The following WNT7A variants were observed in gnomAD, a reference collection of about 807,000 sequenced individuals.
The protein encoded by WNT7A is Wnt family member 7A.
Under a neutral mutation model 28.2 loss-of-function variants are expected in WNT7A, and 16 were observed. The observed-to-expected ratio is 0.57, with a 90% CI of 0.38 to 0.86. The LOEUF (loss-of-function observed/expected upper bound fraction) is 0.86, where lower values mean the gene tolerates loss of function less well. Among genes scored for constraint, WNT7A ranks in the 40% least tolerant of loss-of-function variants. The probability of loss-of-function intolerance (pLI) is 0.00; values close to 1 mark genes in which losing one functional copy is unlikely to be tolerated. For synonymous variants in WNT7A, 190 were observed against 195.9 expected (o/e 0.97, Z 0.25); for missense variants, 411 against 489.7 (o/e 0.84, Z 1.52).
At chr3:13,843,009 C>T (rs560960274) in intron 3 of WNT7A, among the ~76,000 whole-genome samples, 11 of 152,278 alleles carry the variant, frequency 7.2e-5, no homozygotes, top group Admixed American at 5.2e-4. Context: ...GTGGACATCA[C>T]CTATTTTGGA....
intron 3 of WNT7A, among the ~76,000 whole-genome samples, chr3:13,851,578 A>G (rs1234956800): frequency 6.6e-6 from 1 of 152,182 alleles, no homozygotes; most frequent in African/African-American, 2.4e-5. Context: ...CGTTTCTCCT[A>G]CAGTGTGTAG....
At chr3:13,858,877 C>T (rs1286380173) in intron 2 of WNT7A, among the ~76,000 whole-genome samples, 1 of 152,216 alleles carries the variant, frequency 6.6e-6, no homozygotes, top group East Asian at 1.9e-4. Context: ...AATCCCACTC[C>T]ACCCCCACAC....
rs1694072532 is a variant in WNT7A, at chr3:13,819,296, T to C, written c.698A>G (p.Asn233Ser). ...CACAGGCTCCACGTGAACGGCCTCG[T>C]TGTACTTGTCCTTGAGCACGTAGCC... ...ELGYVLKDKY[N>S]EAVHVEPVRA... Residue 233 changes from asparagine (N) to serine (S), a missense_variant, in exon 4 of 4, where the codon AAC becomes AGC. Asn to Ser is a conservative substitution (Grantham distance 46). Transcript: ENST00000285018. 6.2e-7 allele frequency: 1 copy of C among 1,614,020 alleles called. No individual in the cohort carries two copies. Among genetic ancestry groups the C allele is most frequent in the African/African-American group, 1.3e-5 (1 of 74,946 alleles).
intron 3 of WNT7A, 132 bp from the exon 4 acceptor site, chr3:13,819,555 G>T: frequency 7.7e-7 from 1 of 1,299,068 alleles, no homozygotes; most frequent in Non-Finnish European, 1.0e-6. Context: ...TCTTTCTGGT[G>T]TAGGAAACTC....
In WNT7A at chr3:13,818,891, C is replaced by T; in HGVS notation, c.*53G>A. 6.5e-7 allele frequency: 1 copy of T among 1,533,276 alleles called. No individual in the cohort carries two copies. Among genetic ancestry groups the T allele is most frequent in the Middle Eastern group, 2.3e-4 (1 of 4,402 alleles). The allele number at this position is 1,533,276 out of a possible 1,614,324, so 95.0% of individuals were successfully genotyped here. On this transcript the variant is annotated 3_prime_UTR_variant, in exon 4 of 4. Transcript: ENST00000285018. Reference sequence around the variant, plus strand: ...AGGGAGCCCGCAGCTTGGAAACGGTCCAGTCCTCCCAGCAATCTGACTTGC... The same window carrying T: ...AGGGAGCCCGCAGCTTGGAAACGGTTCAGTCCTCCCAGCAATCTGACTTGC...
intron 3 of WNT7A, among the ~76,000 whole-genome samples, chr3:13,830,724 C>A (rs1694268942): frequency 6.6e-6 from 1 of 152,196 alleles, no homozygotes; most frequent in African/African-American, 2.4e-5. Flanking sequence ...TTTCCCCAAG[C>A]CACACTTTCT....
chr3:13,844,391 T>C (rs545924306), intron 3 of WNT7A, among the ~76,000 whole-genome samples: 18 of 152,240 alleles, frequency 1.2e-4, no homozygotes, highest in African/African-American at 3.4e-4. Context: ...AGCAGCTGAG[T>C]GCTGGCCTCA....
At position 13,869,670 on chromosome 3, in the gene WNT7A, G is replaced by A. The variant is rs528739911; in HGVS notation, c.298+5277C>T. Among the ~76,000 whole-genome samples the A allele has an allele frequency of 5.4e-5, 7 of 129,560 alleles. No homozygotes were observed. In the East Asian group the frequency reaches 1.6e-3, roughly 30 times the overall value. The allele number at this position is 129,560 out of a possible 152,430, so 85.0% of individuals were successfully genotyped here. ...AAAGTAGAAAGAAAGAGGGAAGGAG[G>A]GAGGGAGGGAGGAAGGGAAAGATAG... On this transcript the variant is annotated intron_variant, in intron 2 of 3. Transcript: ENST00000285018.
At chr3:13,842,012 A>G (rs1306272717) in intron 3 of WNT7A, among the ~76,000 whole-genome samples, 1 of 151,762 alleles carries the variant, frequency 6.6e-6, no homozygotes, top group African/African-American at 2.4e-5. Context: ...GGACATACCC[A>G]GTGTGTGTGA....
intron 3 of WNT7A, among the ~76,000 whole-genome samples, chr3:13,851,988 A>G (rs1008088242): frequency 2.6e-5 from 4 of 152,252 alleles, no homozygotes; most frequent in African/African-American, 7.2e-5. Context: ...TGACGAGACA[A>G]TGAGGGAAAG....
chr3:13,847,811 G>A lies in WNT7A; in HGVS notation c.570+6721C>T, dbSNP rs1042324671. ...TGGGTGCCAGGGGCTGGGGTGGGGC[G>A]GGGGGACATGGGAGGTGGTTGTTTA... On this transcript the variant is annotated intron_variant, in intron 3 of 3. Coordinates refer to ENST00000285018, the MANE Select transcript of WNT7A (RefSeq NM_004625.4). Among the ~76,000 whole-genome samples the A allele has an allele frequency of 2.0e-5, 3 of 152,088 alleles. 1 individual carries two copies. Among genetic ancestry groups the A allele is most frequent in the Admixed American group, 2.0e-4 (3 of 15,268 alleles).
chr3:13,863,146 C>T (rs1355941608), intron 2 of WNT7A, among the ~76,000 whole-genome samples: 5 of 152,158 alleles, frequency 3.3e-5, no homozygotes, highest in African/African-American at 4.8e-5. Flanking sequence ...GGTAAGGGAT[C>T]GATAAACAGT....
At chr3:13,845,054 G>A (rs1004216397) in intron 3 of WNT7A, among the ~76,000 whole-genome samples, 14 of 152,204 alleles carry the variant, frequency 9.2e-5, no homozygotes, top group Non-Finnish European at 1.5e-4. Flanking sequence ...ACCTCACTTA[G>A]GGGGCTCTCA....
intron 2 of WNT7A, among the ~76,000 whole-genome samples, chr3:13,861,015 C>G (rs1333289148): frequency 6.6e-6 from 1 of 152,196 alleles, no homozygotes; most frequent in Non-Finnish European, 1.5e-5. Context: ...CTGCTATTAT[C>G]TCCATTTTAC....
At chr3:13,836,555 C>T (rs890720365) in intron 3 of WNT7A, among the ~76,000 whole-genome samples, 5 of 152,252 alleles carry the variant, frequency 3.3e-5, no homozygotes, top group African/African-American at 1.2e-4. Context: ...GTCCTCCATC[C>T]ACTCTGGCAG....
At chr3:13,825,385 C>T (rs1227700605) in intron 3 of WNT7A, among the ~76,000 whole-genome samples, 1 of 152,098 alleles carries the variant, frequency 6.6e-6, no homozygotes, top group Admixed American at 6.5e-5. Flanking sequence ...GTCAGCATTC[C>T]CCCAGGCCAA....
intron 3 of WNT7A, among the ~76,000 whole-genome samples, chr3:13,835,031 C>A (rs1285784589): frequency 2.0e-5 from 3 of 152,126 alleles, no homozygotes; most frequent in Non-Finnish European, 4.4e-5. Context: ...GAGCTGAGAA[C>A]CAGACGTTGA....
intron 3 of WNT7A, among the ~76,000 whole-genome samples, chr3:13,854,252 C>T (rs995042896): frequency 2.0e-5 from 3 of 152,070 alleles, no homozygotes; most frequent in African/African-American, 7.3e-5. Flanking sequence ...TTTGGTCCCT[C>T]CCAAGGATAA....
intron 2 of WNT7A, among the ~76,000 whole-genome samples, chr3:13,868,133 G>C (rs1038915293): frequency 6.6e-6 from 1 of 152,130 alleles, no homozygotes; most frequent in Non-Finnish European, 1.5e-5. Flanking sequence ...GAAGACATGA[G>C]GGAGGCTCAC....
Sources: allele counts gnomAD v4.1 joint callset (sites outside exome capture counted in the v4.1 genomes callset), GRCh38; gene constraint gnomAD v4.1.1; transcripts MANE v1.5; gene names NCBI Gene and HGNC (gene_info 2026-07-23, HGNC 2026-07-21).